The following INTS6 variants were observed in gnomAD, a reference collection of about 807,000 sequenced individuals.
The protein encoded by INTS6 is DEAD box protein.
In INTS6, 16 loss-of-function variants were observed where a neutral mutation model predicts 104.9. That is an observed-to-expected ratio of 0.15 (90% CI 0.10 to 0.23). The LOEUF is 0.23. Ranked by LOEUF, INTS6 falls within the 10% of genes least tolerant of loss-of-function variation. The pLI is 1.00. For missense variants in INTS6, 584 were observed against 1,062.8 expected, an observed-to-expected ratio of 0.55 and a Z score of 6.26; for synonymous variants, 324 against 358.7, an observed-to-expected ratio of 0.90 and a Z score of 1.09.
In INTS6 at chr13:51,364,424, A is replaced by T; in HGVS notation, c.*1328T>A. 2.1e-6 allele frequency: 1 copy of T among 484,102 alleles called. No individual in the cohort carries two copies. 30.0% of individuals were successfully genotyped at this position (484,102 alleles called of 1,614,324 possible). Reference sequence around the variant, plus strand: ...TTTTCAATATTATAAACCTAAAAATACTTCAGTTTTTAAATGTTATAAGTT... The same window carrying T: ...TTTTCAATATTATAAACCTAAAAATTCTTCAGTTTTTAAATGTTATAAGTT... On this transcript the variant is annotated 3_prime_UTR_variant, in exon 18 of 18. Transcript: ENST00000311234.
At chr13:51,416,565 T>C (rs1956790792) in intron 4 of INTS6, among the ~76,000 whole-genome samples, 1 of 152,240 alleles carries the variant, frequency 6.6e-6, no homozygotes, top group Non-Finnish European at 1.5e-5. Context: ...GTATTCCTTT[T>C]TAAGGCTGAA....
chr13:51,379,625 G>T, intron 10 of INTS6, 53 bp from the exon 11 acceptor site: 2 of 1,036,986 alleles, frequency 1.9e-6, no homozygotes, highest in East Asian at 2.6e-5. Context: ...AAAACTTATG[G>T]TTCCATGTAT....
the INTS6 span, among the ~76,000 whole-genome samples, chr13:51,346,050 T>A: frequency 6.6e-6 from 1 of 152,206 alleles, no homozygotes; most frequent in Non-Finnish European, 1.5e-5. Context: ...GAGCCTCAGT[T>A]CCCTCACCTG....
At chr13:51,368,030 C>A (rs1254113101) in intron 16 of INTS6, 132 bp from the exon 17 acceptor site, 2 of 511,054 alleles carry the variant, frequency 3.9e-6, no homozygotes, top group East Asian at 6.9e-5. Flanking sequence ...TTTCACCACT[C>A]ATTAGAGATT....
the INTS6 span, chr13:51,341,467 TCACA>T: frequency 2.1e-6 from 2 of 971,654 alleles, no homozygotes; most frequent in Non-Finnish European, 3.0e-6. Flanking sequence ...CTGCTCATAC[TCACA>T]CTCACTCTCT....
intron 17 of INTS6, among the ~76,000 whole-genome samples, chr13:51,367,582 T>C (rs1955717212): frequency 6.6e-6 from 1 of 152,064 alleles, no homozygotes. Context: ...TCCAGTAATT[T>C]GTAGGGAGAA....
the INTS6 span, chr13:51,348,533 G>A: frequency 2.7e-6 from 2 of 733,080 alleles, no homozygotes; most frequent in Non-Finnish European, 4.5e-6. Flanking sequence ...TGTTTAATAT[G>A]TATCCCCAGA....
the INTS6 span, chr13:51,340,860 CAGTG>C: frequency 1.7e-6 from 1 of 580,700 alleles, no homozygotes; most frequent in Non-Finnish European, 3.1e-6. Context: ...CAAAGGACCA[CAGTG>C]AGTATTTCTA....
At chr13:51,395,523 G>C (rs1054139486) in intron 4 of INTS6, 40 bp from the exon 5 acceptor site, 2 of 1,546,416 alleles carry the variant, frequency 1.3e-6, no homozygotes, top group Non-Finnish European at 8.7e-7. Context: ...GAATTCCACA[G>C]ACTATTTTTT....
Position 51,378,307 on chromosome 13 carries a change from C to T in INTS6, c.1534G>A (p.Val512Ile). The T allele has an allele frequency of 6.2e-7, 1 of 1,613,472 alleles. No individual in the cohort carries two copies. Among genetic ancestry groups the T allele is most frequent in the Non-Finnish European group, 8.5e-7 (1 of 1,179,490 alleles). The change falls in exon 12 of 18, where the codon GTC becomes ATC. Residue 512 changes from valine (V) to isoleucine (I), a missense_variant. Val to Ile is a conservative substitution (Grantham distance 29). Around this residue, in one of 5 missense-constraint regions of INTS6, gnomAD observed 74 missense variants for 64.4 expected, o/e 1.15. Transcript: ENST00000311234. ...QQLLQGISED[V>I]PHRLLDLNMK... ...TTAAGGTCTAGCAGTCTGTGAGGGA[C>T]ATCCTCTGAAATTCCCTGGAGGAGT...
Position 51,452,875 on chromosome 13 carries a change from C to T in INTS6, c.-350G>A. On this transcript the variant is annotated 5_prime_UTR_variant, in exon 1 of 18. Coordinates refer to ENST00000311234, the MANE Select transcript of INTS6 (RefSeq NM_012141.3). This position sits in a 1 kb window ranked among gnomAD's most constrained non-coding sequence, Gnocchi z 4.2. ...GTGTCCCAGCGGGAGACGGGCCTGG[C>T]TCCCCACCCCACCCCCGGTACAGGA... is the stretch of plus-strand genomic sequence containing the variant. The T allele has an allele frequency of 4.4e-6, 5 of 1,131,864 alleles. No individual in the cohort carries two copies. The highest frequency in any genetic ancestry group is 5.4e-6 in the Non-Finnish European group (5 of 918,330). 70.1% of individuals were successfully genotyped at this position (1,131,864 alleles called of 1,614,324 possible). A position where few individuals can be genotyped will look rare whatever the true frequency, so the allele number is the denominator to read the frequency against.
chr13:51,421,159 T>C, intron 4 of INTS6: 3 of 985,774 alleles, frequency 3.0e-6, no homozygotes, highest in Non-Finnish European at 3.6e-6. Context: ...CATCAGACTT[T>C]TGAGGAAGGC....
chr13:51,425,458 G>A (rs1956967920), intron 4 of INTS6, among the ~76,000 whole-genome samples: 1 of 152,068 alleles, frequency 6.6e-6, no homozygotes, highest in African/African-American at 2.4e-5. Flanking sequence ...AGCCTCCACA[G>A]CAATCATAAC....
chr13:51,408,146 GTTT>G (rs541254081), intron 4 of INTS6, among the ~76,000 whole-genome samples: 1 of 141,056 alleles, frequency 7.1e-6, no homozygotes, highest in South Asian at 2.3e-4. Context: ...ATTGAGATGG[GTTT>G]TTTTTTTTTT....
intron 3 of INTS6, chr13:51,439,746 G>GA (rs1347491945): frequency 6.6e-6 from 1 of 152,232 alleles, no homozygotes; most frequent in East Asian, 1.9e-4. Flanking sequence ...ACTTTAGCCA[G>GA]AAAAAACTGG....
chr13:51,344,024 T>G, the INTS6 span, among the ~76,000 whole-genome samples: 1 of 152,336 alleles, frequency 6.6e-6, no homozygotes, highest in African/African-American at 2.4e-5. Context: ...GCAGCTTGAT[T>G]TCTTTCATAT....
intron 4 of INTS6, among the ~76,000 whole-genome samples, chr13:51,408,011 G>A (rs1397228437): frequency 2.8e-5 from 4 of 144,478 alleles, no homozygotes; most frequent in Admixed American, 6.9e-5. Context: ...AGTGAGACTC[G>A]GTCTCAAAAA....
chr13:51,369,004 C>T lies in INTS6; in HGVS notation c.2411G>A (p.Ser804Asn), dbSNP rs373134702. The T allele has an allele frequency of 6.2e-7, 1 of 1,613,686 alleles. No homozygotes were observed. Among genetic ancestry groups the T allele is most frequent in the Admixed American group, 1.7e-5 (1 of 59,982 alleles). Residue 804 changes from serine (S) to asparagine (N), a missense_variant, in exon 16 of 18, where the codon AGC becomes AAC. Around this residue, in one of 5 missense-constraint regions of INTS6, gnomAD observed 296 missense variants for 437.0 expected, o/e 0.68. Coordinates refer to ENST00000311234, the MANE Select transcript of INTS6 (RefSeq NM_012141.3). ...NKGKKLMHCR[S>N]HEEVNTELKA... ...TAGTTCAGTATTGACCTCTTCATGG[C>T]TTCTGCAATGCATCAATTTCTTTCC...
At chr13:51,395,197 CT>C in intron 5 of INTS6, 102 bp downstream of exon 5, 1 of 1,135,266 alleles carries the variant, frequency 8.8e-7, no homozygotes, top group Non-Finnish European at 1.2e-6. Context: ...CTAATATTAA[CT>C]TGTGAAATAA....
Sources: gnomAD v4.1 joint callset for allele counts (sites outside exome capture counted in the v4.1 genomes callset) on GRCh38, gnomAD v4.1.1 for gene constraint, gnomAD v4.1.1 regional missense constraint, Gnocchi (gnomAD v3.1) non-coding constraint, MANE v1.5 for transcripts, NCBI Gene and HGNC (gene_info 2026-07-23, HGNC 2026-07-21) for gene names.